Variants in DKK4 observed in about 807,000 individuals in gnomAD.
DKK4 encodes the protein dickkopf-related protein 4.
DKK4 carries 15 observed loss-of-function variants against 14.5 expected under a neutral mutation model. The observed-to-expected ratio is 1.03, with a 90% CI of 0.69 to 1.59. The LOEUF is 1.59. Ranked by LOEUF, DKK4 falls within the 40% of genes most tolerant of loss-of-function variation. DKK4 has a pLI of 0.00. For synonymous variants in DKK4, 89 were observed against 105.2 expected, an observed-to-expected ratio of 0.85 and a Z score of 0.94; for missense variants, 272 against 280.3, an observed-to-expected ratio of 0.97 and a Z score of 0.21.
intron 2 of DKK4, 55 bp downstream of exon 2, chr8:42,375,625 G>C: frequency 6.2e-7 from 1 of 1,603,768 alleles, no homozygotes; most frequent in Non-Finnish European, 8.5e-7. Flanking sequence ...TCTAGTCTAT[G>C]GGGCTTAGAC....
chr8:42,391,238 C>T, the DKK4 span, among the ~76,000 whole-genome samples: 6 of 151,942 alleles, frequency 3.9e-5, no homozygotes, highest in East Asian at 1.2e-3. Flanking sequence ...AATGAAATTC[C>T]CATAAGAGGC....
chr8:42,389,397 TC>T, the DKK4 span, among the ~76,000 whole-genome samples: 1 of 152,254 alleles, frequency 6.6e-6, no homozygotes, highest in Non-Finnish European at 1.5e-5. Flanking sequence ...CTCTTTGGAC[TC>T]CTAAGCTCAC....
Position 42,374,193 on chromosome 8 carries a change from G to C in DKK4, c.582C>G (p.Cys194Trp). Reference sequence around the variant, plus strand: ...GACACAGTAGTCCAGGGCCACAGTCGCAACGCTGGAAGATTTCTGGAGCTT... The same window carrying C: ...GACACAGTAGTCCAGGGCCACAGTCCCAACGCTGGAAGATTTCTGGAGCTT... Reference protein sequence around the residue: ...TAQAPEIFQRCDCGPGLLCRS... With the variant: ...TAQAPEIFQRWDCGPGLLCRS... The change falls in exon 4 of 4, where the codon TGC becomes TGG. Residue 194 changes from cysteine to tryptophan, a missense_variant. Physicochemically the swap from Cys to Trp is radical, Grantham distance 215 (BLOSUM62 -2). Transcript: ENST00000220812. 6.2e-7 allele frequency: 1 copy of C among 1,613,088 alleles called. No individual in the cohort carries two copies. The highest frequency in any genetic ancestry group is 8.5e-7 in the Non-Finnish European group (1 of 1,179,870).
chr8:42,389,894 AT>A, the DKK4 span, among the ~76,000 whole-genome samples: 5,384 of 144,446 alleles, frequency 0.037, 242 homozygotes, highest in African/African-American at 0.11. Context: ...TATCCTTAGA[AT>A]TTTTTTTTTT....
chr8:42,390,567 G>C, the DKK4 span, among the ~76,000 whole-genome samples: 3 of 151,108 alleles, frequency 2.0e-5, no homozygotes, highest in Non-Finnish European at 3.0e-5. Context: ...GTTTCACTGT[G>C]TTAGCCAGGA....
upstream of DKK4, among the ~76,000 whole-genome samples, chr8:42,380,789 G>A (rs1824663385): frequency 8.2e-6 from 1 of 121,740 alleles, no homozygotes. Flanking sequence ...TGAGAGAAAG[G>A]AAGAAAGAAA....
the DKK4 span, among the ~76,000 whole-genome samples, chr8:42,384,742 G>A: frequency 5.3e-5 from 8 of 152,074 alleles, no homozygotes; most frequent in South Asian, 1.2e-3. Context: ...GGCCCACAAC[G>A]AGGGGGCTGC....
chr8:42,388,481 G>A, the DKK4 span, among the ~76,000 whole-genome samples: 4 of 151,644 alleles, frequency 2.6e-5, no homozygotes, highest in East Asian at 1.9e-4. Flanking sequence ...CCACCCGCCC[G>A]AGCCTCCCAA....
At chr8:42,388,535 T>C in the DKK4 span, among the ~76,000 whole-genome samples, 2 of 147,288 alleles carry the variant, frequency 1.4e-5, no homozygotes, top group East Asian at 1.9e-4. Flanking sequence ...TGGTCTAAAC[T>C]CCTTTCTTTT....
chr8:42,381,015 T>C (rs1186155259), upstream of DKK4, among the ~76,000 whole-genome samples: 1 of 151,956 alleles, frequency 6.6e-6, no homozygotes, highest in African/African-American at 2.4e-5. Context: ...ACAATGCTGG[T>C]GGCAGTATGG....
Position 42,376,941 on chromosome 8 carries a change from G to C in DKK4, c.105C>G (p.Ala35=), listed in dbSNP as rs112012857. 778 of 1,613,538 alleles carry C rather than the reference G, an allele frequency of 4.8e-4. 10 individuals carry two copies. In the African/African-American group the frequency reaches 8.7e-3, roughly 18 times the overall value. The change falls in exon 1 of 4, where the codon GCC becomes GCG. Residue 35 remains alanine, a synonymous_variant. Transcript: ENST00000220812. ...CCCTCCCTAGCAGCCTTACCTTCCGGGCCCCATGCAGGTCAGCAGAGCTCC... is the reference window on the plus strand; with the variant it reads ...CCCTCCCTAGCAGCCTTACCTTCCGCGCCCCATGCAGGTCAGCAGAGCTCC... ...NIRSSADLHG[A]RKGSQCLSDT...
Position 42,377,210 on chromosome 8 carries a change from A to T in DKK4, c.-165T>A. ...AACCTTAGTCTGAGTAAGGTGCGTG[A>T]AATCGGCTGAGCAAAGTCTGACCAG... On this transcript the variant is annotated 5_prime_UTR_variant, in exon 1 of 4. Transcript: ENST00000220812. 2 of 595,760 alleles carry T rather than the reference A, an allele frequency of 3.4e-6. No individual in the cohort carries two copies. The highest frequency in any genetic ancestry group is 4.4e-5 in the South Asian group (2 of 45,504). The allele number at this position is 595,760 out of a possible 1,614,324, so 36.9% of individuals were successfully genotyped here. A position where few individuals can be genotyped will look rare whatever the true frequency, so the allele number is the denominator to read the frequency against.
At chr8:42,375,530 A>G (rs1824539745) in intron 2 of DKK4, 150 bp downstream of exon 2, 2 of 1,077,236 alleles carry the variant, frequency 1.9e-6, no homozygotes, top group East Asian at 2.6e-5. Context: ...AAAAAAAAAA[A>G]AAAGGAAAAG....
upstream of DKK4, among the ~76,000 whole-genome samples, chr8:42,379,038 G>A (rs1343256349): frequency 1.3e-5 from 2 of 151,156 alleles, no homozygotes; most frequent in African/African-American, 2.4e-5. Flanking sequence ...ATCACCTGAG[G>A]TCAGGAGTTC....
intron 3 of DKK4, 68 bp from the exon 4 acceptor site, chr8:42,374,427 G>A: frequency 6.3e-7 from 1 of 1,589,904 alleles, no homozygotes; most frequent in Non-Finnish European, 8.6e-7. Flanking sequence ...TTTGCTACTG[G>A]GATAAGGGAA....
At chr8:42,379,134 C>T (rs1824616730), upstream of DKK4, among the ~76,000 whole-genome samples, 1 of 149,318 alleles carries the variant, frequency 6.7e-6, no homozygotes, top group Admixed American at 6.7e-5. Flanking sequence ...ACCTGTAATC[C>T]CAGCTACTCG....
chr8:42,381,383 A>T (rs1299195309), upstream of DKK4, among the ~76,000 whole-genome samples: 1 of 152,180 alleles, frequency 6.6e-6, no homozygotes, highest in African/African-American at 2.4e-5. Context: ...GTGGAGATAT[A>T]AGAGTAGCCA....
At chr8:42,383,833 C>T in the DKK4 span, among the ~76,000 whole-genome samples, 1 of 152,182 alleles carries the variant, frequency 6.6e-6, no homozygotes, top group Non-Finnish European at 1.5e-5. Context: ...ATCCCCGCTA[C>T]TCAGGAGGGT....
Position 42,374,740 on chromosome 8 carries a change from T to C in DKK4, c.415+21A>G, listed in dbSNP as rs774531363. 30 of 1,613,556 alleles carry C rather than the reference T, an allele frequency of 1.9e-5. No homozygotes were observed. In the Admixed American group the frequency reaches 2.5e-4, roughly 13 times the overall value. On this transcript the variant is annotated intron_variant, in intron 3 of 3. Transcript: ENST00000220812. The stretch of plus-strand genomic sequence containing the variant: ...GAAAATGCATTTCTGAAATAAAATA[T>C]GCTGCGAATGCTGTTCTTACCCTTC...
Sources: allele counts gnomAD v4.1 joint callset (sites outside exome capture counted in the v4.1 genomes callset), GRCh38; gene constraint gnomAD v4.1.1; transcripts MANE v1.5; gene names NCBI Gene and HGNC (gene_info 2026-07-23, HGNC 2026-07-21).